The following PAK6 variants were observed in gnomAD, a reference collection of about 807,000 sequenced individuals.
PAK6 encodes the protein p21 (RAC1) activated kinase 6.
Under a neutral mutation model 60.8 loss-of-function variants are expected in PAK6, and 33 were observed. The observed-to-expected ratio is 0.54, with a 90% CI of 0.41 to 0.73. PAK6 has a LOEUF of 0.73. PAK6 is among the 30% of genes least tolerant of loss of function. The pLI, the probability that PAK6 is intolerant of heterozygous loss-of-function variation, is 0.00. For missense variants in PAK6, 845 were observed against 904.1 expected (o/e 0.93, Z 0.84); for synonymous variants, 404 against 378.5 (o/e 1.07, Z -0.78).
chr15:40,252,627 T>A, intron 2 of PAK6: 1 of 1,339,982 alleles, frequency 7.5e-7, no homozygotes, highest in African/African-American at 1.5e-5. Context: ...CCGAGGTCCC[T>A]CCCGCGGAGG....
At chr15:40,273,304 C>T in intron 7 of PAK6, 42 bp from the exon 8 acceptor site, 2 of 1,602,256 alleles carry the variant, frequency 1.2e-6, no homozygotes, top group Non-Finnish European at 1.7e-6. Context: ...CCTGCCAGAG[C>T]TAACGTTCTC....
intron 3 of PAK6, among the ~76,000 whole-genome samples, chr15:40,263,218 C>A (rs185098302): frequency 1.6e-4 from 24 of 152,190 alleles, no homozygotes; most frequent in Non-Finnish European, 3.4e-4. Context: ...GAGAACATGA[C>A]GGCCCTGCAC....
chr15:40,249,240 T>C (rs909243995), intron 2 of PAK6, among the ~76,000 whole-genome samples: 2 of 152,056 alleles, frequency 1.3e-5, no homozygotes, highest in African/African-American at 2.4e-5. Context: ...CAACCCCGCC[T>C]CCTAATACCC....
exon 8 of PAK6, chr15:40,273,372 T>C: frequency 1.9e-6 from 3 of 1,613,948 alleles, no homozygotes; most frequent in Non-Finnish European, 2.5e-6. Flanking sequence ...ATTGCCACTG[T>C]GTGTGAGGCT....
chr15:40,249,473 G>A (rs75111012), intron 2 of PAK6, among the ~76,000 whole-genome samples: 3 of 152,228 alleles, frequency 2.0e-5, no homozygotes, highest in Admixed American at 6.5e-5. Flanking sequence ...AGGTAGCACA[G>A]GTACATAGCT....
chr15:40,245,069 A>C (rs2038461596), intron 2 of PAK6: 1 of 152,248 alleles, frequency 6.6e-6, no homozygotes, highest in Non-Finnish European at 1.5e-5. Flanking sequence ...CTGCCTAGGC[A>C]ACAATCTCTT....
chr15:40,254,285 A>T (rs2038776591), intron 3 of PAK6, among the ~76,000 whole-genome samples: 1 of 152,232 alleles, frequency 6.6e-6, no homozygotes, highest in Non-Finnish European at 1.5e-5. Context: ...GGGAAGGGCT[A>T]AGCCACTCCA....
At chr15:40,243,242 T>A (rs2038405424) in intron 2 of PAK6, among the ~76,000 whole-genome samples, 1 of 152,220 alleles carries the variant, frequency 6.6e-6, no homozygotes, top group Non-Finnish European at 1.5e-5. Flanking sequence ...AGCTTCTATC[T>A]GCAGTTGCAG....
At chr15:40,267,922 C>G (rs529661681) in intron 5 of PAK6, among the ~76,000 whole-genome samples, 15 of 152,130 alleles carry the variant, frequency 9.9e-5, no homozygotes, top group African/African-American at 3.6e-4. Flanking sequence ...AGTCCTGCTG[C>G]GAGGCCTCAG....
chr15:40,274,829 G>T (rs1230830059), intron 10 of PAK6, among the ~76,000 whole-genome samples: 1 of 152,158 alleles, frequency 6.6e-6, no homozygotes, highest in East Asian at 1.9e-4. Context: ...CAACCCCGCA[G>T]GCCTTACTGT....
At chr15:40,264,744 T>G in intron 3 of PAK6, 37 bp from the exon 4 acceptor site, 1 of 1,594,070 alleles carries the variant, frequency 6.3e-7, no homozygotes, top group Non-Finnish European at 8.6e-7. Flanking sequence ...CACCCCTCTT[T>G]CCCGGGAGGG....
At chr15:40,243,374 A>T (rs547485321) in intron 2 of PAK6, among the ~76,000 whole-genome samples, 1 of 152,298 alleles carries the variant, frequency 6.6e-6, no homozygotes, top group East Asian at 1.9e-4. Flanking sequence ...GACTCGGGCA[A>T]GTTACTTCAT....
At chr15:40,247,124 C>A (rs1461443196) in intron 2 of PAK6, 2 of 152,348 alleles carry the variant, frequency 1.3e-5, no homozygotes, top group Non-Finnish European at 2.9e-5. Flanking sequence ...GCAGGGGTGT[C>A]ACAGTCAGAG....
chr15:40,261,089 C>A (rs751902097), intron 3 of PAK6, among the ~76,000 whole-genome samples: 2 of 151,784 alleles, frequency 1.3e-5, no homozygotes, highest in Non-Finnish European at 2.9e-5. Context: ...GGGGTTTCAC[C>A]GTGTTAGCCA....
chr15:40,265,774 A>C, intron 4 of PAK6, 68 bp from the exon 5 acceptor site: 1 of 1,422,852 alleles, frequency 7.0e-7, no homozygotes, highest in Non-Finnish European at 9.4e-7. Flanking sequence ...TCTGACCCTG[A>C]TCTCCCAGCC....
rs1160136170 is a variant in PAK6, at chr15:40,263,924, T to C, written c.-5-857T>C. ...GAACCACCATGCCCGGCCCAGGTGA[T>C]GTTTTACATAGAGCTCCAATACCAG... On this transcript the variant is annotated intron_variant, in intron 3 of 10. Transcript: ENST00000560346. 25 of 455,906 alleles carry C rather than the reference T, an allele frequency of 5.5e-5. 1 individual carries two copies. The Admixed American group carries it at 5.9e-4, about 11-fold the overall frequency. The allele number at this position is 455,906 out of a possible 1,614,324, so 28.2% of individuals were successfully genotyped here.
intron 2 of PAK6, among the ~76,000 whole-genome samples, chr15:40,243,118 T>C (rs541322892): frequency 2.0e-5 from 3 of 152,310 alleles, no homozygotes; most frequent in African/African-American, 4.8e-5. Context: ...CCATGACCCA[T>C]CCAGCCCAGA....
At chr15:40,242,898 T>C (rs1004565381) in intron 2 of PAK6, among the ~76,000 whole-genome samples, 3 of 152,140 alleles carry the variant, frequency 2.0e-5, no homozygotes, top group African/African-American at 7.2e-5. Flanking sequence ...GTGCAAGCAC[T>C]GGTGGCAGGA....
chr15:40,247,976 G>A (rs2038542093), intron 2 of PAK6, among the ~76,000 whole-genome samples: 1 of 152,176 alleles, frequency 6.6e-6, no homozygotes, highest in Admixed American at 6.5e-5. Flanking sequence ...CACCCCGTTT[G>A]GGGGTGCTGC....
Sources: gnomAD v4.1 joint callset for allele counts (sites outside exome capture counted in the v4.1 genomes callset) on GRCh38, gnomAD v4.1.1 for gene constraint, MANE v1.5 for transcripts, NCBI Gene and HGNC (gene_info 2026-07-23, HGNC 2026-07-21) for gene names.